Variants in MOCOS observed in about 807,000 individuals in gnomAD.
MOCOS encodes the protein human molybdenum cofactor sulfurase.
Under a neutral mutation model 83.6 loss-of-function variants are expected in MOCOS, and 86 were observed. The ratio of observed to expected loss-of-function variants is 1.03; its 90% CI spans 0.86 to 1.23. The LOEUF is 1.23. Among genes scored for constraint, MOCOS ranks in the 50% most tolerant of loss-of-function variants. The pLI is 0.00. For synonymous variants in MOCOS, 445 were observed against 434.7 expected (o/e 1.02, Z -0.29); for missense variants, 1,120 against 1,126.9 (o/e 0.99, Z 0.09).
At chr18:36,218,899 C>T (rs561928546) in intron 8 of MOCOS, among the ~76,000 whole-genome samples, 5 of 149,168 alleles carry the variant, frequency 3.4e-5, no homozygotes, top group South Asian at 2.1e-4. Context: ...GATGAAGTCT[C>T]GCTCTGTCGC....
At chr18:36,226,461 T>A (rs1029815914) in intron 9 of MOCOS, among the ~76,000 whole-genome samples, 18 of 151,248 alleles carry the variant, frequency 1.2e-4, no homozygotes, top group Admixed American at 2.6e-4. Flanking sequence ...GGTTTTTTTT[T>A]ATGTCTTTTT....
intron 9 of MOCOS, among the ~76,000 whole-genome samples, chr18:36,232,119 A>C (rs1406929495): frequency 6.6e-6 from 1 of 152,090 alleles, no homozygotes; most frequent in African/African-American, 2.4e-5. Flanking sequence ...GACCACAGGC[A>C]TGTGCCACCA....
At chr18:36,239,128 AT>A (rs1356196271) in intron 9 of MOCOS, among the ~76,000 whole-genome samples, 1 of 149,542 alleles carries the variant, frequency 6.7e-6, no homozygotes, top group African/African-American at 2.5e-5. Flanking sequence ...CATTTAGTCC[AT>A]TTACATTTAA....
chr18:36,236,816 G>T (rs989701179), intron 9 of MOCOS, among the ~76,000 whole-genome samples: 3 of 144,274 alleles, frequency 2.1e-5, no homozygotes, highest in East Asian at 2.1e-4. Flanking sequence ...GTTGAGCAGT[G>T]GTTTGTAGTT....
chr18:36,268,570 A>G lies in MOCOS; in HGVS notation c.2552A>G (p.Asp851Gly), dbSNP rs373562948. The change falls in exon 15 of 15, where the codon GAT becomes GGT. Residue 851 changes from aspartate to glycine, a missense_variant. Asp to Gly is a moderately conservative substitution (Grantham distance 94). Coordinates refer to ENST00000261326, the MANE Select transcript of MOCOS (RefSeq NM_017947.4). ...FGMYLMHASL[D>G]LSSPCFLSVG... ...ATGTACCTGATGCATGCATCATTGG[A>G]TTTATCCTCCCCATGTTTCCTGTCT... The G allele has an allele frequency of 1.2e-5, 19 of 1,614,008 alleles. No homozygotes were observed. The African/African-American group carries it at 2.5e-4, about 22-fold the overall frequency.
chr18:36,251,527 C>A (rs947946896), intron 11 of MOCOS, among the ~76,000 whole-genome samples: 4 of 152,162 alleles, frequency 2.6e-5, no homozygotes, highest in African/African-American at 9.7e-5. Context: ...AAACATTCAG[C>A]CTTAGTCCTG....
intron 7 of MOCOS, among the ~76,000 whole-genome samples, chr18:36,213,984 G>A (rs2091465800): frequency 6.6e-6 from 1 of 151,494 alleles, no homozygotes; most frequent in African/African-American, 2.4e-5. Context: ...GCTCATGCCT[G>A]TAATCACAGC....
intron 9 of MOCOS, among the ~76,000 whole-genome samples, chr18:36,228,523 T>G (rs2091526244): frequency 6.6e-6 from 1 of 152,122 alleles, no homozygotes; most frequent in Non-Finnish European, 1.5e-5. Context: ...AGATAATGTC[T>G]TTTTCAGGGA....
At position 36,199,710 on chromosome 18, in the gene MOCOS, A is replaced by G. The variant is rs750204647; in HGVS notation, c.327A>G (p.Ala109=). ...YRILAHFHTT[A]EDYTVIFTAG... ...TCCTGGCGCACTTCCACACCACCGC[A>G]GAAGACTACACTGTGATCTTCACTG... The change falls in exon 4 of 15, where the codon GCA becomes GCG. Residue 109 remains alanine (A), a synonymous_variant. Coordinates refer to ENST00000261326, the MANE Select transcript of MOCOS (RefSeq NM_017947.4). The G allele has an allele frequency of 1.9e-6, 3 of 1,614,014 alleles. No individual in the cohort carries two copies. The highest frequency in any genetic ancestry group is 2.5e-6 in the Non-Finnish European group (3 of 1,180,036).
chr18:36,206,067 A>G (rs896048289), intron 6 of MOCOS, among the ~76,000 whole-genome samples: 2 of 151,294 alleles, frequency 1.3e-5, no homozygotes, highest in Non-Finnish European at 2.9e-5. Flanking sequence ...AAAGAAAAAA[A>G]GGTTTATTTG....
Position 36,187,695 on chromosome 18 carries a change from G to C in MOCOS, c.142+14G>C. ...GCCGCCTGGCAGGTGAGGCGGGCGG[G>C]CAGGCTTGGGGGACACGAGGTTTCT... On this transcript the variant is annotated intron_variant, in intron 1 of 14. Coordinates refer to ENST00000261326, the MANE Select transcript of MOCOS (RefSeq NM_017947.4). 7.9e-7 allele frequency: 1 copy of C among 1,265,502 alleles called. No individual in the cohort carries two copies. The highest frequency in any genetic ancestry group is 9.9e-7 in the Non-Finnish European group (1 of 1,005,758). The allele number at this position is 1,265,502 out of a possible 1,614,324, so 78.4% of individuals were successfully genotyped here. A position where few individuals can be genotyped will look rare whatever the true frequency, so the allele number is the denominator to read the frequency against.
intron 9 of MOCOS, among the ~76,000 whole-genome samples, chr18:36,235,195 A>G (rs1163985233): frequency 2.0e-5 from 3 of 149,896 alleles, no homozygotes; most frequent in Non-Finnish European, 4.4e-5. Context: ...GGTTAGTTAC[A>G]TACGTATACA....
At position 36,213,501 on chromosome 18, in the gene MOCOS, G is replaced by A. The variant is rs778915494; in HGVS notation, c.1335+19G>A. ...TTTTCAGGTTGGTACAGGGCTCTGC[G>A]ATCCAGACGCTGGTCAGCGAGACCC... On this transcript the variant is annotated intron_variant, in intron 7 of 14. Transcript: ENST00000261326. 15 of 1,597,824 alleles carry A rather than the reference G, an allele frequency of 9.4e-6. No individual in the cohort carries two copies. In the South Asian group the frequency reaches 1.2e-4, roughly 13 times the overall value.
At chr18:36,256,184 G>A (rs574235199) in intron 11 of MOCOS, among the ~76,000 whole-genome samples, 44 of 152,100 alleles carry the variant, frequency 2.9e-4, no homozygotes, top group African/African-American at 8.9e-4. Context: ...GAGCCACCGC[G>A]CCTAGCCCTC....
Position 36,187,581 on chromosome 18 carries a change from C to T in MOCOS, c.42C>T (p.Thr14=), listed in dbSNP as rs561925733. The change falls in exon 1 of 15, where the codon ACC becomes ACT. Residue 14 remains threonine (T), a synonymous_variant. Coordinates refer to ENST00000261326, the MANE Select transcript of MOCOS (RefSeq NM_017947.4). ...CGGAGTCAGGGCGGGAGCTGTGGAC[C>T]TTCGCGGGTTCCCGGGACCCGAGCG... The part of the protein sequence containing the change: ...AAAESGRELW[T]FAGSRDPSAP... 4 of 1,247,154 alleles carry T rather than the reference C, an allele frequency of 3.2e-6. No individual in the cohort carries two copies. In the African/African-American group the frequency reaches 4.6e-5, roughly 14 times the overall value. 77.3% of individuals were successfully genotyped at this position (1,247,154 alleles called of 1,614,324 possible). A position where few individuals can be genotyped will look rare whatever the true frequency, so the allele number is the denominator to read the frequency against.
Position 36,224,026 on chromosome 18 carries a change from CT to C in MOCOS, c.1960+3817del, listed in dbSNP as rs900870174. 2.6e-5 allele frequency among the ~76,000 whole-genome samples: 4 copies of C among 151,904 alleles called. No homozygotes were observed. In the East Asian group the frequency reaches 5.8e-4, roughly 22 times the overall value. On this transcript the variant is annotated intron_variant, in intron 9 of 14. Coordinates refer to ENST00000261326, the MANE Select transcript of MOCOS (RefSeq NM_017947.4). ...TGAGTTCATTTCTAGGTATTGTACT[CT>C]TTTTTTTGTGCTATTATAAGTGGGA...
rs755183157 is a variant in MOCOS, at chr18:36,268,740, A to G, written c.*55A>G. ...TACAGTGATCTCTATTATTGTTAAGATCTGCAACTTGGTTCAGTAGAACTT... is the reference window on the plus strand; with the variant it reads ...TACAGTGATCTCTATTATTGTTAAGGTCTGCAACTTGGTTCAGTAGAACTT... On this transcript the variant is annotated 3_prime_UTR_variant, in exon 15 of 15. Coordinates refer to ENST00000261326, the MANE Select transcript of MOCOS (RefSeq NM_017947.4). 3.5e-5 allele frequency: 50 copies of G among 1,441,196 alleles called. No homozygotes were observed. The highest frequency in any genetic ancestry group is 4.5e-5 in the Non-Finnish European group (46 of 1,026,150). 89.3% of individuals were successfully genotyped at this position (1,441,196 alleles called of 1,614,324 possible).
chr18:36,256,668 T>A (rs2091642773), intron 11 of MOCOS, among the ~76,000 whole-genome samples: 1 of 152,082 alleles, frequency 6.6e-6, no homozygotes, highest in East Asian at 1.9e-4. Context: ...CAGGCTGGTG[T>A]CGAATTCCTG....
chr18:36,262,538 G>A (rs1432554923), intron 13 of MOCOS, among the ~76,000 whole-genome samples: 1 of 152,090 alleles, frequency 6.6e-6, no homozygotes, highest in Non-Finnish European at 1.5e-5. Context: ...TTACTCTGTT[G>A]TCCAGGCTAG....
Sources: allele counts gnomAD v4.1 joint callset (sites outside exome capture counted in the v4.1 genomes callset), GRCh38; gene constraint gnomAD v4.1.1; transcripts MANE v1.5; gene names NCBI Gene and HGNC (gene_info 2026-07-23, HGNC 2026-07-21).